XPOT: variants seen among roughly 807,000 people sequenced by gnomAD.
The protein encoded by XPOT is exportin-T.
In XPOT, 34 loss-of-function variants were observed where a neutral mutation model predicts 128.2. The ratio of observed to expected loss-of-function variants is 0.27; its 90% CI spans 0.20 to 0.35. The LOEUF is 0.35. Ranked by LOEUF, XPOT falls within the 10% of genes least tolerant of loss-of-function variation. The probability of loss-of-function intolerance (pLI) is 1.00; values close to 1 mark genes in which losing one functional copy is unlikely to be tolerated. For synonymous variants in XPOT, 348 were observed against 394.3 expected (o/e 0.88, Z 1.39); for missense variants, 838 against 1,125.3 (o/e 0.74, Z 3.65).
At chr12:64,439,139 G>A in intron 22 of XPOT, 105 bp from the exon 23 acceptor site, 2 of 1,092,380 alleles carry the variant, frequency 1.8e-6, no homozygotes, top group Non-Finnish European at 2.7e-6. Context: ...GTGTTCTTAA[G>A]CACAATACTA....
rs774389346 is a variant in XPOT at position 64,410,085 on chromosome 12, T to G, written c.50T>G (p.Phe17Cys). The change falls in exon 2 of 25, where the codon TTT (phenylalanine) becomes TGT (cysteine). Residue 17 changes from phenylalanine (F) to cysteine (C), a missense_variant. Physicochemically the swap from Phe to Cys is radical, Grantham distance 205 (BLOSUM62 -2). This residue lies in a region of XPOT where 761 missense variants were observed against 988.3 expected (regional missense o/e 0.77). Coordinates refer to ENST00000332707, the MANE Select transcript of XPOT (RefSeq NM_007235.6). The stretch of plus-strand genomic sequence containing the variant: ...CTAAATCCAAATGCTGATTCAGACT[T>G]TAGACAAAGGGTAAGTTACTCTGCT... The part of the protein sequence containing the change: ...LGLNPNADSD[F>C]RQRALAYFEQ... The G allele has an allele frequency of 6.2e-7, 1 of 1,613,786 alleles. No individual in the cohort carries two copies. Among genetic ancestry groups the G allele is most frequent in the South Asian group, 1.1e-5 (1 of 91,086 alleles).
At chr12:64,418,417 C>T (rs61931549) in intron 5 of XPOT, among the ~76,000 whole-genome samples, 19,338 of 152,082 alleles carry the variant, frequency 0.13, 1,361 homozygotes, top group Middle Eastern at 0.22. Context: ...AAAGGTGAGC[C>T]CTCCTGGACA....
chr12:64,427,917 A>G (rs1339464920), intron 15 of XPOT, 134 bp from the exon 16 acceptor site: 8 of 644,852 alleles, frequency 1.2e-5, no homozygotes, highest in East Asian at 2.8e-5. Flanking sequence ...AAAATTAACC[A>G]TAGCTAATCT....
chr12:64,409,598 G>C (rs530591908), intron 1 of XPOT: 1 of 156,570 alleles, frequency 6.4e-6, no homozygotes, highest in African/African-American at 2.4e-5. Flanking sequence ...AGCCCAGCGC[G>C]GTGGCGGGCG....
chr12:64,444,623 TG>T (rs1345568964), intron 23 of XPOT, among the ~76,000 whole-genome samples: 1 of 152,132 alleles, frequency 6.6e-6, no homozygotes, highest in Admixed American at 6.5e-5. Context: ...CAGAAAGTGG[TG>T]GTTGCCAGGG....
chr12:64,431,749 A>G lies in XPOT; in HGVS notation c.2188A>G (p.Met730Val), dbSNP rs1202935437. ...GTTCATTCCATCTGCTTCAGAACATATGCTCAAAGATTGTGAAGCAAAAGA... is the reference window on the plus strand; with the variant it reads ...GTTCATTCCATCTGCTTCAGAACATGTGCTCAAAGATTGTGAAGCAAAAGA... Reference protein sequence around the residue: ...LPFIPSASEHMLKDCEAKDLQ... With the variant: ...LPFIPSASEHVLKDCEAKDLQ... Residue 730 changes from methionine (M) to valine (V), a missense_variant, in exon 18 of 25, where the codon ATG becomes GTG. Around this residue, in one of 3 missense-constraint regions of XPOT, gnomAD observed 761 missense variants for 988.3 expected, o/e 0.77. Transcript: ENST00000332707. The G allele has an allele frequency of 1.2e-6, 2 of 1,614,130 alleles. No individual in the cohort carries two copies. Among genetic ancestry groups the G allele is most frequent in the South Asian group, 2.2e-5 (2 of 91,084 alleles).
At chr12:64,441,551 T>C (rs2040324418) in intron 23 of XPOT, among the ~76,000 whole-genome samples, 1 of 152,222 alleles carries the variant, frequency 6.6e-6, no homozygotes, top group East Asian at 1.9e-4. Context: ...TGTGATTCCA[T>C]GTAAATTCTA....
intron 17 of XPOT, among the ~76,000 whole-genome samples, chr12:64,431,249 A>G (rs776579679): frequency 2.6e-5 from 4 of 152,154 alleles, no homozygotes; most frequent in Non-Finnish European, 5.9e-5. Flanking sequence ...CAGCCCAGTC[A>G]ATAGGATTTT....
chr12:64,439,398 C>A (rs1204288400), intron 23 of XPOT, 83 bp downstream of exon 23: 12 of 1,257,298 alleles, frequency 9.5e-6, no homozygotes, highest in African/African-American at 6.0e-5. Flanking sequence ...TAGCAGAAAT[C>A]AAAAATATTT....
At chr12:64,431,347 A>G (rs2040237192) in intron 17 of XPOT, among the ~76,000 whole-genome samples, 191 bp from the exon 18 acceptor site, 1 of 152,236 alleles carries the variant, frequency 6.6e-6, no homozygotes, top group Non-Finnish European at 1.5e-5. Flanking sequence ...TTTGTTCTGG[A>G]AAGATCATTG....
Position 64,420,161 on chromosome 12 carries a change from A to G in XPOT, c.581A>G (p.Tyr194Cys), listed in dbSNP as rs749595826. Residue 194 changes from tyrosine (Y) to cysteine (C), a missense_variant, in exon 7 of 25, where the codon TAT (tyrosine) becomes TGT (cysteine). By Grantham distance (194) the Tyr-to-Cys change is radical. This residue lies in a region of XPOT where 761 missense variants were observed against 988.3 expected (regional missense o/e 0.77). Coordinates refer to ENST00000332707, the MANE Select transcript of XPOT (RefSeq NM_007235.6). ...VESWYQILQN[Y>C]QFTNSEVTCQ... is the part of the protein sequence containing the mutation. Reference sequence around the variant, plus strand: ...TCATGGTACCAAATATTACAAAATTATCAGTTTACTAATTCTGAAGTGACG... The same window carrying G: ...TCATGGTACCAAATATTACAAAATTGTCAGTTTACTAATTCTGAAGTGACG... 2 of 1,613,014 alleles carry G rather than the reference A, an allele frequency of 1.2e-6. No individual in the cohort carries two copies. The highest frequency in any genetic ancestry group is 1.1e-5 in the South Asian group (1 of 90,816).
chr12:64,432,579 T>G (rs113735811), intron 18 of XPOT, among the ~76,000 whole-genome samples: 2,811 of 152,276 alleles, frequency 0.018, 82 homozygotes, highest in African/African-American at 0.064. Flanking sequence ...GTTCTAAGCA[T>G]TTTTTGTACA....
At chr12:64,411,604 T>G (rs1189700428) in intron 2 of XPOT, among the ~76,000 whole-genome samples, 1 of 152,222 alleles carries the variant, frequency 6.6e-6, no homozygotes, top group Non-Finnish European at 1.5e-5. Context: ...CCAGGCATAA[T>G]TCAGTATCCA....
At chr12:64,445,194 A>C in intron 24 of XPOT, 63 bp downstream of exon 24, 2 of 1,231,268 alleles carry the variant, frequency 1.6e-6, no homozygotes, top group Non-Finnish European at 2.3e-6. Flanking sequence ...GCCAAGAGAG[A>C]ATACATACCT....
intron 1 of XPOT, among the ~76,000 whole-genome samples, chr12:64,407,667 A>G (rs1342965607): frequency 1.3e-5 from 2 of 152,182 alleles, no homozygotes; most frequent in African/African-American, 4.8e-5. Flanking sequence ...ACCTACTAAC[A>G]AGAAGAAAGA....
chr12:64,442,071 G>A (rs963385193), intron 23 of XPOT, among the ~76,000 whole-genome samples: 7 of 151,488 alleles, frequency 4.6e-5, no homozygotes, highest in Non-Finnish European at 1.0e-4. Flanking sequence ...TTTACATAAT[G>A]TGTAAAGTGG....
chr12:64,445,691 C>CT (rs1412580681), intron 24 of XPOT, among the ~76,000 whole-genome samples: 1 of 152,094 alleles, frequency 6.6e-6, no homozygotes, highest in Non-Finnish European at 1.5e-5. Flanking sequence ...ATAATGACTG[C>CT]TTTTTATGTA....
At chr12:64,420,645 T>C (rs1018072109) in intron 8 of XPOT, 124 bp downstream of exon 8, 2 of 742,472 alleles carry the variant, frequency 2.7e-6, no homozygotes, top group Non-Finnish European at 4.2e-6. Flanking sequence ...GAGATTATAA[T>C]ATAAACCACT....
rs776550228 is a variant in XPOT at position 64,439,221 on chromosome 12, TGTAA to T, written c.2734-19_2734-16del. ...TATTAATGTCAAGCAAGAAAATAGT[TGTAA>T]GTATCTTTTAATCTTCAGGGCCCAG... On this transcript the variant is annotated intron_variant, in intron 22 of 24. Transcript: ENST00000332707. The T allele has an allele frequency of 3.2e-5, 52 of 1,608,994 alleles. No homozygotes were observed. The African/African-American group carries it at 4.8e-4, about 15-fold the overall frequency.
Sources: gnomAD v4.1 joint callset for allele counts (sites outside exome capture counted in the v4.1 genomes callset) on GRCh38, gnomAD v4.1.1 for gene constraint, gnomAD v4.1.1 regional missense constraint, MANE v1.5 for transcripts, NCBI Gene and HGNC (gene_info 2026-07-23, HGNC 2026-07-21) for gene names.